Variants in CELA1 observed in about 807,000 individuals in gnomAD.
CELA1 encodes the protein chymotrypsin-like elastase family member 1.
In CELA1, 28 loss-of-function variants were observed where a neutral mutation model predicts 34.8. The ratio of observed to expected loss-of-function variants is 0.80; its 90% CI spans 0.60 to 1.10. CELA1 has a LOEUF of 1.10. Among genes scored for constraint, CELA1 ranks in the 50% least tolerant of loss-of-function variants. The probability of loss-of-function intolerance (pLI) is 0.00; values close to 1 mark genes in which losing one functional copy is unlikely to be tolerated. For missense variants in CELA1, 288 were observed against 327.5 expected, an observed-to-expected ratio of 0.88 and a Z score of 0.93; for synonymous variants, 140 against 129.8, an observed-to-expected ratio of 1.08 and a Z score of -0.53.
Position 51,338,305 on chromosome 12 carries a change from T to TAC in CELA1, c.609+1554_609+1555insGT, listed in dbSNP as rs59358900. Among the ~76,000 whole-genome samples the TAC allele has an allele frequency of 4.8e-3, 16 of 3,368 alleles. No individual in the cohort carries two copies. In the Non-Finnish European group the frequency reaches 0.071, roughly 15 times the overall value. 2.2% of individuals were successfully genotyped at this position (3,368 alleles called of 152,430 possible). A position where few individuals can be genotyped will look rare whatever the true frequency, so the allele number is the denominator to read the frequency against. ...ACACACACATACACATACGCATACA[T>TAC]ATATATATATATATATAGAAATCAA... On this transcript the variant is annotated intron_variant, in intron 6 of 7. Coordinates refer to ENST00000293636, the MANE Select transcript of CELA1 (RefSeq NM_001971.6).
chr12:51,343,930 C>T (rs992909930), intron 2 of CELA1, 77 bp from the exon 3 acceptor site: 13 of 757,934 alleles, frequency 1.7e-5, no homozygotes, highest in Non-Finnish European at 2.5e-5. Flanking sequence ...TGCAGTGGCT[C>T]ATGCCAGTAA....
Position 51,339,965 on chromosome 12 carries a change from C to G in CELA1, c.504G>C (p.Leu168=). 2 of 1,614,036 alleles carry G rather than the reference C, an allele frequency of 1.2e-6. No homozygotes were observed. Among genetic ancestry groups the G allele is most frequent in the Non-Finnish European group, 1.7e-6 (2 of 1,179,966 alleles). Residue 168 remains leucine (L), a synonymous_variant, in exon 6 of 8, where the codon CTG becomes CTC. Coordinates refer to ENST00000293636, the MANE Select transcript of CELA1 (RefSeq NM_001971.6). ...AGCAGATGGCGTAGTCCACAGAGGG[C>G]AGGTAAGCCTGCTGCAGGGTCTGGG... The part of the protein sequence containing the change: ...QLAQTLQQAY[L]PSVDYAICSS...
intron 4 of CELA1, 125 bp downstream of exon 4, chr12:51,342,450 A>G: frequency 7.2e-7 from 1 of 1,380,868 alleles, no homozygotes; most frequent in Non-Finnish European, 1.0e-6. Context: ...CCAGGCCAGG[A>G]GCCACGGACC....
At chr12:51,346,345 A>G (rs1946565004) in intron 1 of CELA1, among the ~76,000 whole-genome samples, 1 of 152,028 alleles carries the variant, frequency 6.6e-6, no homozygotes. Context: ...GACCCACCCC[A>G]CTACCAGATG....
intron 6 of CELA1, among the ~76,000 whole-genome samples, chr12:51,330,971 A>G (rs902285011): frequency 7.0e-6 from 1 of 142,738 alleles, no homozygotes; most frequent in Non-Finnish European, 1.5e-5. Flanking sequence ...CTCTGTCTCA[A>G]AAAAAAAAAA....
intron 6 of CELA1, 126 bp downstream of exon 6, chr12:51,339,734 G>T: frequency 2.3e-6 from 2 of 868,674 alleles, no homozygotes; most frequent in Non-Finnish European, 1.8e-6. Flanking sequence ...TCACTTAGAC[G>T]CCAGAGTAGA....
chr12:51,341,746 C>T (rs1276435581), intron 4 of CELA1, among the ~76,000 whole-genome samples: 1 of 151,978 alleles, frequency 6.6e-6, no homozygotes, highest in African/African-American at 2.4e-5. Flanking sequence ...AGTAGAATAT[C>T]CCAATTCCTT....
intron 7 of CELA1, 117 bp downstream of exon 7, chr12:51,329,567 T>G: frequency 9.1e-7 from 1 of 1,099,746 alleles, no homozygotes; most frequent in South Asian, 1.6e-5. Context: ...AGTAAACACA[T>G]GAATGTGGTA....
chr12:51,340,109 A>C, intron 5 of CELA1, 104 bp from the exon 6 acceptor site: 2 of 1,008,992 alleles, frequency 2.0e-6, no homozygotes, highest in Non-Finnish European at 2.9e-6. Context: ...AGCTGAGCTC[A>C]GGGCAAACTC....
At chr12:51,329,573 T>C in intron 7 of CELA1, 111 bp downstream of exon 7, 2 of 1,131,804 alleles carry the variant, frequency 1.8e-6, no homozygotes, top group East Asian at 4.9e-5. Flanking sequence ...CACATGAATG[T>C]GGTAAGGAAG....
chr12:51,339,494 T>C (rs1455188973), intron 6 of CELA1, among the ~76,000 whole-genome samples: 1 of 151,980 alleles, frequency 6.6e-6, no homozygotes, highest in East Asian at 1.9e-4. Context: ...GAGGTTGCAG[T>C]GAGCCGAGAT....
rs761327981 is a variant in CELA1, at chr12:51,342,682, C to G, written c.219G>C (p.Val73=). The change falls in exon 4 of 8, where the codon GTG becomes GTC. Residue 73 remains valine, a synonymous_variant. Transcript: ENST00000293636. ...GGCTCAGGTTATGGTCTCCAGCCAC[C>G]ACGCGGAAAGTCTTCTGGCTGGCGT... ...HCVDYQKTFR[V]VAGDHNLSQN... 3.7e-6 allele frequency: 6 copies of G among 1,614,162 alleles called. No homozygotes were observed. The highest frequency in any genetic ancestry group is 5.1e-6 in the Non-Finnish European group (6 of 1,180,004).
intron 4 of CELA1, among the ~76,000 whole-genome samples, chr12:51,342,037 C>T (rs979518836): frequency 6.6e-6 from 1 of 152,088 alleles, no homozygotes; most frequent in Non-Finnish European, 1.5e-5. Context: ...CCCTCCAGAA[C>T]GTCAGTTCTC....
At chr12:51,337,272 C>T (rs1275371635) in intron 6 of CELA1, among the ~76,000 whole-genome samples, 5 of 152,124 alleles carry the variant, frequency 3.3e-5, no homozygotes, top group Non-Finnish European at 5.9e-5. Context: ...TGGTGCCTCA[C>T]GCCTATAATC....
At chr12:51,341,589 G>A (rs1946535656) in intron 4 of CELA1, among the ~76,000 whole-genome samples, 1 of 152,192 alleles carries the variant, frequency 6.6e-6, no homozygotes, top group Admixed American at 6.6e-5. Context: ...ATCTGCTGGT[G>A]GGACATTGGT....
chr12:51,342,508 A>G, intron 4 of CELA1, 67 bp downstream of exon 4: 1 of 1,607,702 alleles, frequency 6.2e-7, no homozygotes, highest in Non-Finnish European at 8.5e-7. Context: ...GAACAGGTGA[A>G]GGCAGCCAGT....
intron 1 of CELA1, 23 bp downstream of exon 1, chr12:51,346,600 G>T: frequency 9.0e-7 from 1 of 1,115,574 alleles, no homozygotes; most frequent in Non-Finnish European, 1.3e-6. Context: ...GACCAGGGTT[G>T]CGACTGGACC....
intron 4 of CELA1, among the ~76,000 whole-genome samples, chr12:51,342,058 G>T (rs1275625605): frequency 6.6e-6 from 1 of 152,152 alleles, no homozygotes; most frequent in Non-Finnish European, 1.5e-5. Flanking sequence ...TTTTTCTTAT[G>T]AGACAGAGTC....
intron 6 of CELA1, among the ~76,000 whole-genome samples, chr12:51,338,424 T>C: frequency 6.6e-6 from 1 of 152,076 alleles, no homozygotes; most frequent in East Asian, 1.9e-4. Flanking sequence ...TACTCTAGCC[T>C]TAGGGAATGC....
Sources: gnomAD v4.1 joint callset for allele counts (sites outside exome capture counted in the v4.1 genomes callset) on GRCh38, gnomAD v4.1.1 for gene constraint, MANE v1.5 for transcripts, NCBI Gene and HGNC (gene_info 2026-07-23, HGNC 2026-07-21) for gene names.